The following TBC1D12 variants were observed in gnomAD, a reference collection of about 807,000 sequenced individuals.
The protein encoded by TBC1D12 is TBC1 domain family member 12, also known as TBC1 domain family, member 12.
In TBC1D12, 56 loss-of-function variants were observed where a neutral mutation model predicts 86.7. The observed-to-expected ratio is 0.65, with a 90% CI of 0.52 to 0.81. The LOEUF (loss-of-function observed/expected upper bound fraction) is 0.81. Ranked by LOEUF, TBC1D12 falls within the 30% of genes least tolerant of loss-of-function variation. The probability of loss-of-function intolerance (pLI) is 0.00; values close to 1 mark genes in which losing one functional copy is unlikely to be tolerated. For missense variants in TBC1D12, 1,023 were observed against 1,038.8 expected (o/e 0.98, Z 0.21); for synonymous variants, 421 against 411.7 (o/e 1.02, Z -0.27).
rs1264927101 is a variant in TBC1D12, at chr10:94,533,627, A to C, written c.*531A>C. The C allele has an allele frequency of 2.0e-5, 3 of 152,184 alleles. No homozygotes were observed. In the East Asian group the frequency reaches 5.8e-4, roughly 29 times the overall value. The allele number at this position is 152,184 out of a possible 1,614,324, so 9.4% of individuals were successfully genotyped here. On this transcript the variant is annotated 3_prime_UTR_variant, in exon 13 of 13. Coordinates refer to ENST00000225235, the MANE Select transcript of TBC1D12 (RefSeq NM_015188.2). The stretch of plus-strand genomic sequence containing the variant: ...TATCTTCATTCACAAGTTGGGGCAA[A>C]TTCGAGTTACCTAGGAACTGGAAAT...
intron 2 of TBC1D12, among the ~76,000 whole-genome samples, chr10:94,459,991 G>A (rs1057141710): frequency 3.1e-4 from 47 of 152,178 alleles, no homozygotes; most frequent in East Asian, 1.9e-4. Flanking sequence ...CAGCCAGAGC[G>A]GACACAGAGG....
At chr10:94,498,030 AG>A (rs1042128352) in intron 5 of TBC1D12, among the ~76,000 whole-genome samples, 2 of 151,904 alleles carry the variant, frequency 1.3e-5, no homozygotes, top group African/African-American at 4.8e-5. Flanking sequence ...CACCATTCAC[AG>A]GATGGTCTCG....
intron 1 of TBC1D12, among the ~76,000 whole-genome samples, chr10:94,414,582 A>G (rs757945045): frequency 9.4e-5 from 14 of 149,330 alleles, no homozygotes; most frequent in Non-Finnish European, 1.5e-4. Context: ...TGGCTTCTCA[A>G]TAGGCCATAC....
At chr10:94,434,915 AC>A (rs1267112711) in intron 1 of TBC1D12, among the ~76,000 whole-genome samples, 1 of 152,120 alleles carries the variant, frequency 6.6e-6, no homozygotes, top group Non-Finnish European at 1.5e-5. Context: ...ATTAGGCCCC[AC>A]CTCCAAATAC....
intron 2 of TBC1D12, among the ~76,000 whole-genome samples, chr10:94,469,310 T>C (rs2055868643): frequency 6.6e-6 from 1 of 152,174 alleles, no homozygotes; most frequent in Non-Finnish European, 1.5e-5. Flanking sequence ...AGTGTTTTGC[T>C]TGTAGCTCCT....
chr10:94,516,243 G>A (rs1172895010), intron 9 of TBC1D12, among the ~76,000 whole-genome samples: 1 of 151,568 alleles, frequency 6.6e-6, no homozygotes, highest in Admixed American at 6.6e-5. Flanking sequence ...TTAAAAATTA[G>A]CTTTATTTCT....
chr10:94,448,860 T>C (rs2055509100), intron 2 of TBC1D12, among the ~76,000 whole-genome samples: 1 of 152,216 alleles, frequency 6.6e-6, no homozygotes, highest in Non-Finnish European at 1.5e-5. Context: ...CTTGAAAAGG[T>C]AGTGAATAAC....
Position 94,402,610 on chromosome 10 carries a change from C to T in TBC1D12, c.-4C>T. 1.2e-6 allele frequency: 2 copies of T among 1,611,374 alleles called. No homozygotes were observed. The highest frequency in any genetic ancestry group is 1.7e-6 in the Non-Finnish European group (2 of 1,179,340). ...CTCCTGGGGCGGCCGCCACCCACCC[C>T]CAGATGGTGGGTCCGGAGGATGCCG... On this transcript the variant is annotated 5_prime_UTR_variant, in exon 1 of 13. Transcript: ENST00000225235.
intron 3 of TBC1D12, among the ~76,000 whole-genome samples, chr10:94,476,769 A>T (rs1163506028): frequency 6.6e-6 from 1 of 152,200 alleles, no homozygotes; most frequent in East Asian, 1.9e-4. Context: ...TCTTTACACC[A>T]TACTCTATTT....
chr10:94,446,347 T>G (rs11187952), intron 2 of TBC1D12, among the ~76,000 whole-genome samples: 68,082 of 151,962 alleles, frequency 0.45, 15,629 homozygotes, highest in East Asian at 0.79. Flanking sequence ...TTGGGATAGG[T>G]TCTTAAGCTG....
rs1434811763 is a variant in TBC1D12 at position 94,536,120 on chromosome 10, G to C, written c.*3024G>C. ...TGTACTGTATCTTCTCTTGAGCCCA[G>C]TATGTAGGAAATATGTGATAATTCA... On this transcript the variant is annotated 3_prime_UTR_variant, in exon 13 of 13. Transcript: ENST00000225235. Among the ~76,000 whole-genome samples the C allele has an allele frequency of 2.0e-5, 3 of 151,968 alleles. No homozygotes were observed. Among genetic ancestry groups the C allele is most frequent in the Non-Finnish European group, 4.4e-5 (3 of 67,964 alleles).
intron 2 of TBC1D12, among the ~76,000 whole-genome samples, chr10:94,470,175 T>A (rs565520646): frequency 2.3e-4 from 35 of 152,140 alleles, no homozygotes; most frequent in Admixed American, 3.9e-4. Flanking sequence ...CTGATTGATG[T>A]TTATGCTGTG....
chr10:94,522,389 C>A lies in TBC1D12; in HGVS notation c.1936C>A (p.Leu646Ile), dbSNP rs998256410. The A allele has an allele frequency of 1.4e-6, 2 of 1,465,662 alleles. No individual in the cohort carries two copies. Among genetic ancestry groups the A allele is most frequent in the Non-Finnish European group, 1.9e-6 (2 of 1,079,046 alleles). The allele number at this position is 1,465,662 out of a possible 1,614,324, so 90.8% of individuals were successfully genotyped here. A position where few individuals can be genotyped will look rare whatever the true frequency, so the allele number is the denominator to read the frequency against. Residue 646 changes from leucine (L) to isoleucine (I), a missense_variant, in exon 11 of 13, where the codon CTT (leucine) becomes ATT (isoleucine). Coordinates refer to ENST00000225235, the MANE Select transcript of TBC1D12 (RefSeq NM_015188.2). ...ATTTGAAGTATTCTTTGAAGAAAAT[C>A]TTTCCAAATTATTTCTTCACTTCAA... The part of the protein sequence containing the change: ...ATFEVFFEEN[L>I]SKLFLHFKSY...
At chr10:94,462,830 C>G (rs2055750139) in intron 2 of TBC1D12, among the ~76,000 whole-genome samples, 1 of 151,988 alleles carries the variant, frequency 6.6e-6, no homozygotes, top group South Asian at 2.1e-4. Flanking sequence ...AGGAGTTTAT[C>G]AATTTTATTA....
At chr10:94,436,792 A>G (rs1306246508) in intron 1 of TBC1D12, among the ~76,000 whole-genome samples, 1 of 151,482 alleles carries the variant, frequency 6.6e-6, no homozygotes, top group Non-Finnish European at 1.5e-5. Flanking sequence ...AAAGAAAAAA[A>G]TCTTTTTTTT....
intron 11 of TBC1D12, among the ~76,000 whole-genome samples, chr10:94,524,220 G>C (rs1394832096): frequency 6.6e-6 from 1 of 152,124 alleles, no homozygotes; most frequent in East Asian, 1.9e-4. Flanking sequence ...AGAGAACAAG[G>C]AGACTCACAA....
At chr10:94,474,581 T>A (rs2055958374) in intron 2 of TBC1D12, 87 bp from the exon 3 acceptor site, 1 of 922,624 alleles carries the variant, frequency 1.1e-6, no homozygotes, top group Admixed American at 2.2e-5. Flanking sequence ...TCCCTCATTA[T>A]AGCATAATAT....
intron 1 of TBC1D12, among the ~76,000 whole-genome samples, chr10:94,421,398 A>G (rs1378957538): frequency 3.3e-5 from 5 of 152,224 alleles, no homozygotes; most frequent in African/African-American, 1.2e-4. Context: ...CATCGTGTAC[A>G]TATGCATTTT....
chr10:94,403,454 C>T lies in TBC1D12; in HGVS notation c.841C>T (p.Arg281Cys). The T allele has an allele frequency of 6.5e-7, 1 of 1,544,368 alleles. No homozygotes were observed. The highest frequency in any genetic ancestry group is 8.7e-7 in the Non-Finnish European group (1 of 1,145,474). ...CTCTCGCAACACGTTCCAGGTGAGC[C>T]GCGGTCAGAGCGCCCGCGATCACCT... ...FNSRNTFQVS[R>C]GQSARDHLPP... is the part of the protein sequence containing the mutation. Residue 281 changes from arginine (R) to cysteine (C), a missense_variant, in exon 1 of 13, where the codon CGC becomes TGC. Physicochemically the swap from Arg to Cys is radical, Grantham distance 180. Transcript: ENST00000225235.
Sources: allele counts gnomAD v4.1 joint callset (sites outside exome capture counted in the v4.1 genomes callset), GRCh38; gene constraint gnomAD v4.1.1; transcripts MANE v1.5; gene names NCBI Gene and HGNC (gene_info 2026-07-23, HGNC 2026-07-21).